AFF2: variants seen among roughly 807,000 people sequenced by gnomAD.
AFF2 encodes ALF transcription elongation factor 2, also known as AF4/FMR2 family member 2.
A neutral mutation model predicts 76.9 loss-of-function variants in AFF2; 14 were observed. That is an observed-to-expected ratio of 0.18 (90% CI 0.12 to 0.28). The LOEUF is 0.28. AFF2 is among the 10% of genes least tolerant of loss of function. The pLI is 1.00. For synonymous variants in AFF2, 398 were observed against 366.7 expected, an observed-to-expected ratio of 1.09 and a Z score of -0.98; for missense variants, 868 against 1,001.1, an observed-to-expected ratio of 0.87 and a Z score of 1.79.
At chrX:148,716,657 A>G (rs781852801) in intron 3 of AFF2, among the ~76,000 whole-genome samples, 5 of 111,526 alleles carry the variant, frequency 4.5e-5, no homozygotes, top group Middle Eastern at 4.2e-3. Context: ...TGCATATCAG[A>G]GGGGATTTCT....
At chrX:148,650,718 G>A (rs2124455291) in intron 1 of AFF2, among the ~76,000 whole-genome samples, 1 of 111,923 alleles carries the variant, frequency 8.9e-6, no homozygotes, top group Non-Finnish European at 1.9e-5. Flanking sequence ...TACACTCCAT[G>A]TTTATCAACA....
intron 3 of AFF2, among the ~76,000 whole-genome samples, chrX:148,750,245 C>A (rs2055481020): frequency 9.0e-6 from 1 of 111,104 alleles, no homozygotes; most frequent in Admixed American, 9.6e-5. Context: ...GCTTGGATTA[C>A]AGGCGGAGCC....
intron 1 of AFF2, among the ~76,000 whole-genome samples, chrX:148,540,461 T>C (rs1557237356): frequency 9.4e-6 from 1 of 106,842 alleles, no homozygotes; most frequent in Non-Finnish European, 1.9e-5. Flanking sequence ...CCCATTAAAA[T>C]GCATTAAAAA....
At chrX:148,886,605 T>C (rs2071162986) in intron 8 of AFF2, among the ~76,000 whole-genome samples, 1 of 112,225 alleles carries the variant, frequency 8.9e-6, no homozygotes, top group Admixed American at 9.4e-5. Flanking sequence ...GACTGGACTT[T>C]ATGATTTGAA....
At chrX:148,856,580 T>A (rs929806691) in intron 7 of AFF2, among the ~76,000 whole-genome samples, 6 of 111,312 alleles carry the variant, frequency 5.4e-5, no homozygotes, top group Admixed American at 1.9e-4. Flanking sequence ...TCAGAGGTAG[T>A]GGAGCAAATA....
intron 1 of AFF2, among the ~76,000 whole-genome samples, chrX:148,600,631 C>T (rs1557247942): frequency 9.0e-6 from 1 of 111,676 alleles, no homozygotes; most frequent in Non-Finnish European, 1.9e-5. Context: ...ATGTGCAGCT[C>T]ACCATACAAA....
chrX:148,512,918 C>T (rs1330378331), intron 1 of AFF2, among the ~76,000 whole-genome samples: 1 of 111,247 alleles, frequency 9.0e-6, no homozygotes, highest in African/African-American at 3.3e-5. Flanking sequence ...GACATCGGAC[C>T]ATCCAGCCCT....
At chrX:148,954,120 G>A (rs2072004246) in intron 10 of AFF2, among the ~76,000 whole-genome samples, 2 of 112,120 alleles carry the variant, frequency 1.8e-5, no homozygotes, top group Non-Finnish European at 3.8e-5. Flanking sequence ...AGATTAAAGT[G>A]ATTAAAGTGT....
intron 3 of AFF2, among the ~76,000 whole-genome samples, chrX:148,734,367 C>T (rs1557264924): frequency 1.8e-5 from 2 of 111,608 alleles, no homozygotes. Flanking sequence ...CTCATGTGTA[C>T]CTCCCAACAA....
At chrX:148,814,507 C>T (rs2070241455) in intron 4 of AFF2, among the ~76,000 whole-genome samples, 1 of 112,091 alleles carries the variant, frequency 8.9e-6, no homozygotes, top group African/African-American at 3.2e-5. Context: ...ATTTCATAGG[C>T]AAACATCTGT....
chrX:148,503,691 G>A (rs1557232153), intron 1 of AFF2, among the ~76,000 whole-genome samples: 3 of 112,368 alleles, frequency 2.7e-5, no homozygotes. Context: ...CAAAAAGTGT[G>A]TGCCCATTTA....
At chrX:148,775,682 G>A (rs2069657528) in intron 3 of AFF2, among the ~76,000 whole-genome samples, 1 of 110,874 alleles carries the variant, frequency 9.0e-6, no homozygotes, top group Admixed American at 9.6e-5. Flanking sequence ...TGGCCTCATT[G>A]CTCCAATCTG....
intron 8 of AFF2, among the ~76,000 whole-genome samples, chrX:148,895,945 G>A (rs1223913425): frequency 9.0e-6 from 1 of 111,074 alleles, no homozygotes; most frequent in Admixed American, 9.6e-5. Context: ...CTTAAAGACA[G>A]CGATTAGGTT....
chrX:148,719,745 G>C (rs781898683), intron 3 of AFF2, among the ~76,000 whole-genome samples: 24 of 111,671 alleles, frequency 2.1e-4, no homozygotes, highest in Non-Finnish European at 4.0e-4. Flanking sequence ...CCAACAACAT[G>C]GGGCTGAGTT....
intron 3 of AFF2, among the ~76,000 whole-genome samples, chrX:148,717,679 C>G (rs1377928108): frequency 9.0e-6 from 1 of 111,527 alleles, no homozygotes; most frequent in Non-Finnish European, 1.9e-5. Context: ...TGCAAACATA[C>G]CAGGTAGCGG....
At chrX:148,508,998 C>T (rs1348743566) in intron 1 of AFF2, among the ~76,000 whole-genome samples, 7 of 111,090 alleles carry the variant, frequency 6.3e-5, no homozygotes, top group African/African-American at 2.3e-4. Flanking sequence ...GGGTCAGGAG[C>T]CCTTGTACCC....
chrX:148,858,911 A>G (rs1353511617), intron 7 of AFF2, among the ~76,000 whole-genome samples: 1 of 109,288 alleles, frequency 9.2e-6, no homozygotes, highest in Non-Finnish European at 1.9e-5. Flanking sequence ...ATTATTGTAT[A>G]GTTCATATAC....
intron 1 of AFF2, among the ~76,000 whole-genome samples, chrX:148,524,113 CTCTCTCTCTCTGTG>C (rs1557234895): frequency 2.6e-5 from 2 of 77,293 alleles, no homozygotes; most frequent in African/African-American, 1.0e-4. Flanking sequence ...CTCTCTCTCT[CTCTCTCTCTCTGTG>C]TGTGTGTGTG....
chrX:148,681,417 A>G (rs953774485), intron 3 of AFF2, among the ~76,000 whole-genome samples: 1 of 110,868 alleles, frequency 9.0e-6, no homozygotes, highest in African/African-American at 3.3e-5. Flanking sequence ...GCAAAACTTT[A>G]TGAGTACACA....
Sources: allele counts gnomAD v4.1 joint callset (sites outside exome capture counted in the v4.1 genomes callset), GRCh38; gene constraint gnomAD v4.1.1; transcripts MANE v1.5; gene names NCBI Gene and HGNC (gene_info 2026-07-23, HGNC 2026-07-21).